Variants in CPNE4 observed in about 807,000 individuals in gnomAD.
The protein encoded by CPNE4 is copine 4.
CPNE4 carries 25 observed loss-of-function variants against 67.9 expected under a neutral mutation model. That is an observed-to-expected ratio of 0.37 (90% CI 0.27 to 0.51). The LOEUF (loss-of-function observed/expected upper bound fraction) is 0.51, where lower values mean the gene tolerates loss of function less well. Ranked by LOEUF, CPNE4 falls within the 20% of genes least tolerant of loss-of-function variation. The pLI is 0.93. For synonymous variants in CPNE4, 242 were observed against 244.9 expected, an observed-to-expected ratio of 0.99 and a Z score of 0.11; for missense variants, 464 against 690.8, an observed-to-expected ratio of 0.67 and a Z score of 3.68.
chr3:131,673,596 A>AT (rs1376564994), intron 6 of CPNE4, among the ~76,000 whole-genome samples: 1 of 151,770 alleles, frequency 6.6e-6, no homozygotes, highest in African/African-American at 2.4e-5. Flanking sequence ...TATAAATGGG[A>AT]TTATTTTCAT....
intron 2 of CPNE4, among the ~76,000 whole-genome samples, chr3:131,824,175 T>C (rs997154490): frequency 1.4e-5 from 2 of 142,966 alleles, no homozygotes; most frequent in African/African-American, 5.8e-5. Flanking sequence ...ATTCTTTATA[T>C]AAATAAAGAA....
At chr3:131,814,826 G>C (rs1469541286) in intron 2 of CPNE4, among the ~76,000 whole-genome samples, 1 of 149,474 alleles carries the variant, frequency 6.7e-6, no homozygotes, top group African/African-American at 2.5e-5. Context: ...GGATGGTCTC[G>C]ATCTCCTGAC....
intron 1 of CPNE4, among the ~76,000 whole-genome samples, chr3:131,975,778 A>C (rs559638525): frequency 2.6e-5 from 4 of 152,308 alleles, no homozygotes; most frequent in African/African-American, 9.6e-5. Context: ...ATAAACATAT[A>C]TATGCATGCA....
At chr3:131,653,427 C>T (rs75876642) in intron 7 of CPNE4, among the ~76,000 whole-genome samples, 4,237 of 152,146 alleles carry the variant, frequency 0.028, 71 homozygotes, top group Non-Finnish European at 0.038. Flanking sequence ...GGATTACAGG[C>T]GTGAGCCACC....
intron 3 of CPNE4, among the ~76,000 whole-genome samples, chr3:131,703,466 A>G (rs1394168804): frequency 1.3e-5 from 2 of 152,218 alleles, no homozygotes; most frequent in Admixed American, 6.5e-5. Flanking sequence ...TAGCCCTCTT[A>G]TCTGCATCCA....
intron 1 of CPNE4, among the ~76,000 whole-genome samples, chr3:132,006,840 A>C (rs1266273162): frequency 1.3e-5 from 2 of 152,170 alleles, no homozygotes; most frequent in Non-Finnish European, 2.9e-5. Context: ...AATTAACTAG[A>C]TGTGAGAAGA....
At chr3:131,894,478 C>T (rs2088241089) in intron 2 of CPNE4, among the ~76,000 whole-genome samples, 1 of 151,536 alleles carries the variant, frequency 6.6e-6, no homozygotes, top group Admixed American at 6.6e-5. Flanking sequence ...AGACACCTAA[C>T]AAAGGGTTAA....
At chr3:131,983,031 TTA>T (rs1272515899) in intron 1 of CPNE4, among the ~76,000 whole-genome samples, 1 of 152,106 alleles carries the variant, frequency 6.6e-6, no homozygotes, top group African/African-American at 2.4e-5. Flanking sequence ...ATTTTCCAAA[TTA>T]TGTTACCAAA....
intron 5 of CPNE4, among the ~76,000 whole-genome samples, chr3:131,689,896 A>G (rs1002526312): frequency 6.6e-6 from 1 of 152,160 alleles, no homozygotes; most frequent in Non-Finnish European, 1.5e-5. Flanking sequence ...AATCAGTAGC[A>G]TTTCTATACA....
chr3:131,828,466 ATT>A (rs1277853490), intron 2 of CPNE4, among the ~76,000 whole-genome samples: 1 of 152,188 alleles, frequency 6.6e-6, no homozygotes, highest in East Asian at 1.9e-4. Flanking sequence ...TAAGCATTGG[ATT>A]TTTTCTTTTT....
intron 2 of CPNE4, among the ~76,000 whole-genome samples, chr3:131,736,222 C>T (rs888195679): frequency 5.9e-5 from 9 of 152,220 alleles, no homozygotes; most frequent in Non-Finnish European, 1.3e-4. Flanking sequence ...GGCATCCACT[C>T]CTTCTGCCCT....
chr3:132,035,702 T>C (rs1270075616), upstream of CPNE4, among the ~76,000 whole-genome samples: 1 of 152,236 alleles, frequency 6.6e-6, no homozygotes, highest in Non-Finnish European at 1.5e-5. Flanking sequence ...ATGAACTTAT[T>C]CAAATACAGG....
intron 7 of CPNE4, among the ~76,000 whole-genome samples, chr3:131,629,535 C>T (rs2079166981): frequency 6.6e-6 from 1 of 152,006 alleles, no homozygotes; most frequent in Admixed American, 6.6e-5. Flanking sequence ...CCCTCCGCTT[C>T]CCAGGTTCAA....
chr3:131,576,355 A>G (rs1438024593), intron 9 of CPNE4, among the ~76,000 whole-genome samples: 1 of 152,122 alleles, frequency 6.6e-6, no homozygotes, highest in Non-Finnish European at 1.5e-5. Context: ...CTTGAAAGTG[A>G]GCAAAATAAC....
chr3:131,738,602 G>A (rs570269169), intron 2 of CPNE4, among the ~76,000 whole-genome samples: 1 of 146,510 alleles, frequency 6.8e-6, no homozygotes. Flanking sequence ...TTTAAATATG[G>A]GGTTTTTGGT....
rs374568387 is a variant in CPNE4, at chr3:131,717,930, C to CT, written c.360+5515dup. On this transcript the variant is annotated intron_variant, in intron 3 of 15. Transcript: ENST00000429747. ...TCTTTCTTTCTTTCTTTCTTTCTTT[C>CT]TTTCTTTCTTTCTTTTCTTTCTTTC... Among the ~76,000 whole-genome samples, 554 of 117,312 alleles carry CT rather than the reference C, an allele frequency of 4.7e-3. 1 individual carries two copies. The highest frequency in any genetic ancestry group is 5.8e-3 in the Non-Finnish European group (312 of 53,530). 77.0% of individuals were successfully genotyped at this position (117,312 alleles called of 152,430 possible).
At chr3:131,957,942 G>A (rs2699853) in intron 1 of CPNE4, among the ~76,000 whole-genome samples, 107,768 of 152,114 alleles carry the variant, frequency 0.71, 38,374 homozygotes, top group Admixed American at 0.81. Flanking sequence ...TGGTTGGGGG[G>A]AGAAGGATGT....
In CPNE4 at chr3:131,747,984, T is replaced by C. The variant is rs114911998; in HGVS notation, c.181-24359A>G. ...ATTAAGTATAATATTAGTTGTAAGATCTCTGTAGATGCTCTTTATCAAGCT... is the reference window on the plus strand; with the variant it reads ...ATTAAGTATAATATTAGTTGTAAGACCTCTGTAGATGCTCTTTATCAAGCT... On this transcript the variant is annotated intron_variant, in intron 2 of 15. Transcript: ENST00000429747. 3.0e-3 allele frequency among the ~76,000 whole-genome samples: 450 copies of C among 152,208 alleles called. 1 individual carries two copies. Among genetic ancestry groups the C allele is most frequent in the African/African-American group, 0.01 (422 of 41,552 alleles).
Position 131,987,215 on chromosome 3 carries a change from G to A in CPNE4, c.-2+47352C>T, listed in dbSNP as rs138930024. 1.2e-4 allele frequency among the ~76,000 whole-genome samples: 18 copies of A among 152,230 alleles called. 1 individual carries two copies. The highest frequency in any genetic ancestry group is 4.6e-4 in the Admixed American group (7 of 15,296). ...ATGAAAAGCTAATAAGCTAATTAAC[G>A]ATAGTAGAAGTAAAACCAGTGGTTG... is the stretch of plus-strand genomic sequence containing the variant. On this transcript the variant is annotated intron_variant, in intron 1 of 15. Coordinates refer to ENST00000429747, the MANE Select transcript of CPNE4 (RefSeq NM_130808.3).
Sources: allele counts gnomAD v4.1 joint callset (sites outside exome capture counted in the v4.1 genomes callset), GRCh38; gene constraint gnomAD v4.1.1; transcripts MANE v1.5; gene names NCBI Gene and HGNC (gene_info 2026-07-23, HGNC 2026-07-21).